The following ZNF827 variants were observed in gnomAD, a reference collection of about 807,000 sequenced individuals.
ZNF827 encodes the protein zinc finger protein 827.
Under a neutral mutation model 102.4 loss-of-function variants are expected in ZNF827, and 13 were observed. The ratio of observed to expected loss-of-function variants is 0.13; its 90% CI spans 0.08 to 0.20. The LOEUF (loss-of-function observed/expected upper bound fraction) is 0.20. Ranked by LOEUF, ZNF827 falls within the 10% of genes least tolerant of loss-of-function variation. The pLI is 1.00. For synonymous variants in ZNF827, 523 were observed against 536.2 expected (o/e 0.98, Z 0.34); for missense variants, 1,103 against 1,344.4 (o/e 0.82, Z 2.81).
intron 4 of ZNF827, among the ~76,000 whole-genome samples, chr4:145,880,559 A>G (rs1749575442): frequency 6.6e-6 from 1 of 152,164 alleles, no homozygotes; most frequent in Non-Finnish European, 1.5e-5. Flanking sequence ...TGCTTGTCTC[A>G]TGAGTGGCAA....
intron 1 of ZNF827, among the ~76,000 whole-genome samples, chr4:145,915,460 C>T (rs1262683884): frequency 5.9e-5 from 9 of 151,962 alleles, no homozygotes; most frequent in Admixed American, 3.3e-4. Flanking sequence ...AAAAAAAAAT[C>T]GCTCTCCCAA....
chr4:145,864,420 C>CAAAAAA (rs34745619), intron 5 of ZNF827, among the ~76,000 whole-genome samples: 1 of 60,798 alleles, frequency 1.6e-5, no homozygotes, highest in Admixed American at 2.0e-4. Flanking sequence ...CTTGTCTCTA[C>CAAAAAA]AAAAAAAAAA....
chr4:145,920,970 C>CAATAA (rs1753022286), intron 1 of ZNF827, among the ~76,000 whole-genome samples: 2 of 152,136 alleles, frequency 1.3e-5, no homozygotes, highest in Admixed American at 1.3e-4. Flanking sequence ...ATAAGAACAT[C>CAATAA]GACTAGTAAG....
intron 11 of ZNF827, among the ~76,000 whole-genome samples, chr4:145,771,495 G>A (rs1408894688): frequency 6.6e-6 from 1 of 152,136 alleles, no homozygotes; most frequent in Non-Finnish European, 1.5e-5. Context: ...GCCATTTATT[G>A]CAACATTTAG....
chr4:145,820,367 A>T (rs1743025005), intron 8 of ZNF827, among the ~76,000 whole-genome samples: 1 of 152,226 alleles, frequency 6.6e-6, no homozygotes. Context: ...CTAATTGGGA[A>T]TCTGAGAGAG....
intron 8 of ZNF827, among the ~76,000 whole-genome samples, chr4:145,822,328 C>G (rs1461519268): frequency 6.6e-6 from 1 of 152,004 alleles, no homozygotes; most frequent in Non-Finnish European, 1.5e-5. Flanking sequence ...AAAGAGTTGC[C>G]TTCCCCACCC....
intron 1 of ZNF827, among the ~76,000 whole-genome samples, chr4:145,916,308 T>C (rs1202901438): frequency 6.6e-6 from 1 of 152,222 alleles, no homozygotes; most frequent in Non-Finnish European, 1.5e-5. Context: ...TGCACACTTC[T>C]ACCACATGAA....
At chr4:145,904,076 A>T (rs1045865465) in intron 1 of ZNF827, among the ~76,000 whole-genome samples, 2 of 152,126 alleles carry the variant, frequency 1.3e-5, no homozygotes, top group African/African-American at 4.8e-5. Context: ...CACTCCCATG[A>T]CACTCTCATG....
At chr4:145,814,125 GAT>G (rs1742324318) in intron 8 of ZNF827, among the ~76,000 whole-genome samples, 1 of 152,160 alleles carries the variant, frequency 6.6e-6, no homozygotes, top group Non-Finnish European at 1.5e-5. Flanking sequence ...AATGCTCTCA[GAT>G]TTTTGAATTT....
At chr4:145,869,339 T>C (rs1290101994) in intron 5 of ZNF827, among the ~76,000 whole-genome samples, 2 of 152,206 alleles carry the variant, frequency 1.3e-5, no homozygotes, top group East Asian at 3.8e-4. Flanking sequence ...TTACAGGTCT[T>C]AAAGGAGTCT....
At position 145,760,700 on chromosome 4, in the gene ZNF827, G is replaced by A. The variant is rs1486453706; in HGVS notation, c.*916C>T. ...TTTTGCAGCAACATACACCTGCTGG[G>A]GTTGTGTTTAAGTTTTGTGGTTTTT... On this transcript the variant is annotated 3_prime_UTR_variant, in exon 15 of 15. Coordinates refer to ENST00000508784, the MANE Select transcript of ZNF827 (RefSeq NM_001306215.2). The A allele has an allele frequency of 9.9e-7, 1 of 1,010,982 alleles. No homozygotes were observed. Among genetic ancestry groups the A allele is most frequent in the Admixed American group, 5.0e-5 (1 of 19,876 alleles). 62.6% of individuals were successfully genotyped at this position (1,010,982 alleles called of 1,614,324 possible). A position where few individuals can be genotyped will look rare whatever the true frequency, so the allele number is the denominator to read the frequency against.
rs890305267 is a variant in ZNF827 at position 145,759,436 on chromosome 4, C to A, written c.*2180G>T. The A allele has an allele frequency of 2.0e-5, 3 of 152,118 alleles. No homozygotes were observed. Among genetic ancestry groups the A allele is most frequent in the African/African-American group, 7.2e-5 (3 of 41,406 alleles). The allele number at this position is 152,118 out of a possible 1,614,324, so 9.4% of individuals were successfully genotyped here. On this transcript the variant is annotated 3_prime_UTR_variant, in exon 15 of 15. Coordinates refer to ENST00000508784, the MANE Select transcript of ZNF827 (RefSeq NM_001306215.2). ...AGCTTTTAAATAAGTATAAAGTTAGCCTCCTAGCAGGTTACATCTACCAGG... is the reference window on the plus strand; with the variant it reads ...AGCTTTTAAATAAGTATAAAGTTAGACTCCTAGCAGGTTACATCTACCAGG...
Position 145,870,334 on chromosome 4 carries a change from T to A in ZNF827, c.1892A>T (p.Asp631Val), listed in dbSNP as rs771283954. Reference protein sequence around the residue: ...SEVSAPGVSEDALKPQEGKGS... With the variant: ...SEVSAPGVSEVALKPQEGKGS... ...CTTCCCTTCCTGGGGCTTTAGTGCG[T>A]CCTCAGAGACGCCTGGGGCTGACAC... The change falls in exon 5 of 15, where the codon GAC (aspartate) becomes GTC (valine). Residue 631 changes from aspartate to valine, a missense_variant. Asp to Val is a radical substitution (Grantham distance 152). This residue lies in a region of ZNF827 where 243 missense variants were observed against 251.6 expected (regional missense o/e 0.97). Coordinates refer to ENST00000508784, the MANE Select transcript of ZNF827 (RefSeq NM_001306215.2). 1 of 1,614,082 alleles carries A rather than the reference T, an allele frequency of 6.2e-7. No individual in the cohort carries two copies. The highest frequency in any genetic ancestry group is 1.7e-4 in the Middle Eastern group (1 of 6,060).
chr4:145,885,658 A>G lies in ZNF827; in HGVS notation c.1747+20T>C, dbSNP rs1750059820. ...AGAGAGAGAGAGAGAGAGAGAGAGA[A>G]TACAACCCTATTCAAGTACCTGACA... On this transcript the variant is annotated intron_variant, in intron 4 of 14. Coordinates refer to ENST00000508784, the MANE Select transcript of ZNF827 (RefSeq NM_001306215.2). 2 of 1,467,540 alleles carry G rather than the reference A, an allele frequency of 1.4e-6. No individual in the cohort carries two copies. Among genetic ancestry groups the G allele is most frequent in the East Asian group, 2.6e-5 (1 of 38,282 alleles). The allele number at this position is 1,467,540 out of a possible 1,614,324, so 90.9% of individuals were successfully genotyped here. A position where few individuals can be genotyped will look rare whatever the true frequency, so the allele number is the denominator to read the frequency against.
intron 1 of ZNF827, among the ~76,000 whole-genome samples, chr4:145,913,696 G>T (rs1441445537): frequency 6.6e-6 from 1 of 152,098 alleles, no homozygotes; most frequent in Non-Finnish European, 1.5e-5. Context: ...AAGGCACATA[G>T]AATCTGTCCC....
intron 9 of ZNF827, among the ~76,000 whole-genome samples, chr4:145,778,842 C>T (rs987145372): frequency 2.0e-4 from 30 of 152,036 alleles, no homozygotes; most frequent in African/African-American, 6.8e-4. Flanking sequence ...ACTGATTTTA[C>T]CTTATGTCTT....
At chr4:145,907,054 C>T (rs1403222336) in intron 1 of ZNF827, 1 of 456,638 alleles carries the variant, frequency 2.2e-6, no homozygotes, top group Admixed American at 2.3e-5. Flanking sequence ...ATTATTCTGG[C>T]AATACCTGAG....
chr4:145,783,044 T>C (rs1274989510), intron 8 of ZNF827, among the ~76,000 whole-genome samples: 1 of 151,516 alleles, frequency 6.6e-6, no homozygotes, highest in African/African-American at 2.4e-5. Flanking sequence ...TTTCCTATTA[T>C]ATCACTTGTT....
chr4:145,877,048 T>C (rs377147817), intron 4 of ZNF827, among the ~76,000 whole-genome samples: 130 of 152,306 alleles, frequency 8.5e-4, no homozygotes, highest in Middle Eastern at 3.4e-3. Context: ...GCAACTTTTT[T>C]TCCCCCTAAT....
Sources: allele counts gnomAD v4.1 joint callset (sites outside exome capture counted in the v4.1 genomes callset), GRCh38; gene constraint gnomAD v4.1.1; regional missense constraint gnomAD v4.1.1; transcripts MANE v1.5; gene names NCBI Gene and HGNC (gene_info 2026-07-23, HGNC 2026-07-21).